Variants in SNX29 observed in about 807,000 individuals in gnomAD.
The protein encoded by SNX29 is sorting nexin-29.
A neutral mutation model predicts 102.1 loss-of-function variants in SNX29; 78 were observed. That is an observed-to-expected ratio of 0.76 (90% CI 0.64 to 0.92). The LOEUF is 0.92. Among genes scored for constraint, SNX29 ranks in the 40% least tolerant of loss-of-function variants. The probability of loss-of-function intolerance (pLI) is 0.00; values close to 1 mark genes in which losing one functional copy is unlikely to be tolerated. For missense variants in SNX29, 1,280 were observed against 1,061.7 expected, an observed-to-expected ratio of 1.21 and a Z score of -2.86; for synonymous variants, 580 against 414.5, an observed-to-expected ratio of 1.40 and a Z score of -4.85.
chr16:12,013,535 A>ATATATATATATATATG (rs2056746927), intron 3 of SNX29, among the ~76,000 whole-genome samples: 2 of 120,654 alleles, frequency 1.7e-5, no homozygotes, highest in Non-Finnish European at 3.5e-5. Context: ...ATATATATAT[A>ATATATATATATATATG]TATATATCGA....
At chr16:12,510,881 G>A (rs564009219) in intron 19 of SNX29, among the ~76,000 whole-genome samples, 1 of 152,258 alleles carries the variant, frequency 6.6e-6, no homozygotes, top group African/African-American at 2.4e-5. Context: ...CCTGTGCCAA[G>A]CACCGTGGAG....
intron 20 of SNX29, among the ~76,000 whole-genome samples, chr16:12,555,476 G>A (rs933604235): frequency 1.3e-5 from 2 of 151,712 alleles, no homozygotes; most frequent in Non-Finnish European, 2.9e-5. Flanking sequence ...CATGTCTGAG[G>A]ACGTCTTTCG....
At chr16:12,264,802 A>G (rs1354723731) in intron 14 of SNX29, among the ~76,000 whole-genome samples, 1 of 152,006 alleles carries the variant, frequency 6.6e-6, no homozygotes, top group Non-Finnish European at 1.5e-5. Context: ...TTTAGGATGA[A>G]AACACTTATT....
chr16:12,051,505 C>T (rs2050301519), intron 7 of SNX29, among the ~76,000 whole-genome samples: 1 of 152,156 alleles, frequency 6.6e-6, no homozygotes, highest in African/African-American at 2.4e-5. Context: ...GCTGGTTCTC[C>T]TGGTCTCATC....
At chr16:12,528,228 C>G (rs1044290594) in intron 20 of SNX29, among the ~76,000 whole-genome samples, 4 of 151,812 alleles carry the variant, frequency 2.6e-5, no homozygotes, top group African/African-American at 7.2e-5. Flanking sequence ...GAGACAAGTT[C>G]TCACTCTGTT....
chr16:12,276,563 C>G (rs2151008705), intron 14 of SNX29, among the ~76,000 whole-genome samples: 1 of 152,296 alleles, frequency 6.6e-6, no homozygotes, highest in African/African-American at 2.4e-5. Flanking sequence ...CCTCACTGCC[C>G]CTCCATACAG....
chr16:12,499,875 C>T (rs2089024610), intron 19 of SNX29, among the ~76,000 whole-genome samples: 1 of 152,118 alleles, frequency 6.6e-6, no homozygotes, highest in Non-Finnish European at 1.5e-5. Context: ...CAGGGCTTTG[C>T]TATGTTGCCC....
intron 11 of SNX29, among the ~76,000 whole-genome samples, chr16:12,084,345 C>T (rs776399025): frequency 1.3e-5 from 2 of 152,112 alleles, no homozygotes; most frequent in Non-Finnish European, 2.9e-5. Flanking sequence ...AGGGTTTCAC[C>T]ATGTTGGCCA....
At chr16:12,018,514 C>G (rs1476831921) in intron 3 of SNX29, among the ~76,000 whole-genome samples, 1 of 149,948 alleles carries the variant, frequency 6.7e-6, no homozygotes, top group East Asian at 1.9e-4. Context: ...ACCTGGGAGG[C>G]GCAGGTTGCA....
chr16:12,190,882 G>T (rs968013671), intron 13 of SNX29, among the ~76,000 whole-genome samples: 1 of 152,162 alleles, frequency 6.6e-6, no homozygotes, highest in Non-Finnish European at 1.5e-5. Context: ...GCTCTGGAAG[G>T]TATCTTTTGC....
intron 15 of SNX29, among the ~76,000 whole-genome samples, chr16:12,281,189 CA>C (rs1447639673): frequency 2.0e-5 from 3 of 152,200 alleles, no homozygotes; most frequent in African/African-American, 7.2e-5. Flanking sequence ...GCTGGGATCA[CA>C]AGTGTATGCC....
intron 18 of SNX29, among the ~76,000 whole-genome samples, chr16:12,471,852 G>T (rs2087356667): frequency 6.6e-6 from 1 of 152,212 alleles, no homozygotes; most frequent in African/African-American, 2.4e-5. Flanking sequence ...AGACTCCTTT[G>T]TGCCCTGCAC....
chr16:12,068,303 C>T (rs1255453924), intron 9 of SNX29, among the ~76,000 whole-genome samples: 1 of 151,850 alleles, frequency 6.6e-6, no homozygotes, highest in East Asian at 1.9e-4. Context: ...ATAGTGGGAC[C>T]CCCATCTCTA....
chr16:12,451,487 A>G (rs538889590), intron 18 of SNX29, among the ~76,000 whole-genome samples: 4 of 152,286 alleles, frequency 2.6e-5, no homozygotes, highest in Non-Finnish European at 5.9e-5. Context: ...GCTCTGTTCT[A>G]TTTACCAACC....
At chr16:12,091,867 A>C (rs763842094) in intron 11 of SNX29, among the ~76,000 whole-genome samples, 1 of 151,936 alleles carries the variant, frequency 6.6e-6, no homozygotes, top group Non-Finnish European at 1.5e-5. Flanking sequence ...TCAGTGAACC[A>C]AGAAGAGGAC....
At chr16:12,337,233 C>T (rs2081478065) in intron 15 of SNX29, among the ~76,000 whole-genome samples, 1 of 152,096 alleles carries the variant, frequency 6.6e-6, no homozygotes, top group Non-Finnish European at 1.5e-5. Context: ...ACTGTCTCCA[C>T]AGTTGCTGGA....
At chr16:12,500,139 A>G (rs1265612168) in intron 19 of SNX29, among the ~76,000 whole-genome samples, 1 of 151,726 alleles carries the variant, frequency 6.6e-6, no homozygotes, top group African/African-American at 2.4e-5. Flanking sequence ...CTACAGGCAC[A>G]TGCCACCACA....
intron 13 of SNX29, among the ~76,000 whole-genome samples, chr16:12,142,077 A>G (rs1010737627): frequency 6.6e-6 from 1 of 152,124 alleles, no homozygotes; most frequent in East Asian, 1.9e-4. Flanking sequence ...CTCTTTCCCA[A>G]GTGTTCTCTT....
At chr16:12,544,308 G>A (rs1485728146) in intron 20 of SNX29, among the ~76,000 whole-genome samples, 3 of 152,172 alleles carry the variant, frequency 2.0e-5, no homozygotes, top group East Asian at 1.9e-4. Flanking sequence ...CACAGGGGAA[G>A]GTGGACCCCA....
Sources: gnomAD v4.1 joint callset for allele counts (sites outside exome capture counted in the v4.1 genomes callset) on GRCh38, gnomAD v4.1.1 for gene constraint, MANE v1.5 for transcripts, NCBI Gene and HGNC (gene_info 2026-07-23, HGNC 2026-07-21) for gene names.